PIP5K1C: variants seen among roughly 807,000 people sequenced by gnomAD.
PIP5K1C encodes phosphatidylinositol-4-phosphate 5-kinase type 1 gamma.
Under a neutral mutation model 80.1 loss-of-function variants are expected in PIP5K1C, and 45 were observed. The observed-to-expected ratio is 0.56, with a 90% CI of 0.44 to 0.72. The LOEUF (loss-of-function observed/expected upper bound fraction) is 0.72, where lower values mean the gene tolerates loss of function less well. Among genes scored for constraint, PIP5K1C ranks in the 30% least tolerant of loss-of-function variants. The probability of loss-of-function intolerance (pLI) is 0.00; values close to 1 mark genes in which losing one functional copy is unlikely to be tolerated. For synonymous variants in PIP5K1C, 498 were observed against 420.1 expected, an observed-to-expected ratio of 1.19 and a Z score of -2.27; for missense variants, 753 against 954.6, an observed-to-expected ratio of 0.79 and a Z score of 2.78.
At chr19:3,666,602 TGCACACAC>T (rs2035018552) in intron 2 of PIP5K1C, among the ~76,000 whole-genome samples, 2 of 147,076 alleles carry the variant, frequency 1.4e-5, no homozygotes, top group Admixed American at 6.7e-5. Context: ...GGCAAACACG[TGCACACAC>T]GCACGTAGGC....
Position 3,675,231 on chromosome 19 carries a change from A to C in PIP5K1C, c.95-7878T>G, listed in dbSNP as rs571037788. On this transcript the variant is annotated intron_variant, in intron 1 of 17. Coordinates refer to ENST00000335312, the MANE Select transcript of PIP5K1C (RefSeq NM_012398.3). ...TCAGTTGCAATAAGTAAGCAGTAAG[A>C]CACTTTCAAAGAGTGAATTTTGTGT... Among the ~76,000 whole-genome samples the C allele has an allele frequency of 8.5e-5, 13 of 152,336 alleles. No individual in the cohort carries two copies. The South Asian group carries it at 2.7e-3, about 32-fold the overall frequency.
At position 3,688,068 on chromosome 19, in the gene PIP5K1C, AC is replaced by A. The variant is rs1325487815; in HGVS notation, c.94+12228del. On this transcript the variant is annotated intron_variant, in intron 1 of 17. Coordinates refer to ENST00000335312, the MANE Select transcript of PIP5K1C (RefSeq NM_012398.3). This position sits in a 1 kb window ranked among gnomAD's most constrained non-coding sequence, Gnocchi z 5.3. ...GGATGGGTCAGGGTGCACAGAGCAC[AC>A]GCCAGCCCCTGGGGGAAGCCCGGCC... Among the ~76,000 whole-genome samples, 2 of 152,054 alleles carry A rather than the reference AC, an allele frequency of 1.3e-5. No individual in the cohort carries two copies. The highest frequency in any genetic ancestry group is 2.9e-5 in the Non-Finnish European group (2 of 67,980).
At chr19:3,655,667 G>C (rs1483196150) in intron 6 of PIP5K1C, among the ~76,000 whole-genome samples, 4 of 152,170 alleles carry the variant, frequency 2.6e-5, no homozygotes, top group African/African-American at 9.7e-5. Context: ...AGTTTGCTGA[G>C]CCTGATCTAA....
chr19:3,640,596 CAG>C (rs1028941745), intron 15 of PIP5K1C, among the ~76,000 whole-genome samples: 2 of 152,110 alleles, frequency 1.3e-5, no homozygotes, highest in African/African-American at 4.8e-5. Context: ...TTTAAAAAAA[CAG>C]ATATTTCTTT....
rs543570007 is a variant in PIP5K1C at position 3,692,051 on chromosome 19, A to G, written c.94+8246T>C. On this transcript the variant is annotated intron_variant, in intron 1 of 17. Transcript: ENST00000335312. This position sits in a 1 kb window ranked among gnomAD's most constrained non-coding sequence, Gnocchi z 5.2. ...CAAGCACCGCACGGGAAGGGTGCAC[A>G]GTGGGAGCTGCCCGCTCACGTCCCT... 2.0e-5 allele frequency among the ~76,000 whole-genome samples: 3 copies of G among 152,308 alleles called. No individual in the cohort carries two copies. The highest frequency in any genetic ancestry group is 2.1e-4 in the South Asian group (1 of 4,832).
intron 16 of PIP5K1C, 59 bp downstream of exon 16, chr19:3,638,825 C>T (rs2033820784): frequency 1.2e-5 from 20 of 1,606,088 alleles, no homozygotes; most frequent in South Asian, 2.2e-5. Flanking sequence ...CACGGTGGAG[C>T]GTGTGTGAGA....
chr19:3,644,618 G>C (rs576214549), intron 11 of PIP5K1C, among the ~76,000 whole-genome samples: 2 of 152,356 alleles, frequency 1.3e-5, no homozygotes, highest in East Asian at 3.9e-4. Context: ...CCCACTTTCA[G>C]ATGGACACTG....
chr19:3,698,204 G>C (rs1204538383), intron 1 of PIP5K1C, among the ~76,000 whole-genome samples: 1 of 152,236 alleles, frequency 6.6e-6, no homozygotes, highest in Non-Finnish European at 1.5e-5. Context: ...ATGGTGGAGA[G>C]GCCGGAAAGG....
chr19:3,644,803 GC>G (rs549006348), intron 11 of PIP5K1C, among the ~76,000 whole-genome samples: 2 of 152,216 alleles, frequency 1.3e-5, no homozygotes, highest in Non-Finnish European at 2.9e-5. Flanking sequence ...ACAGGGCCAG[GC>G]CTGTCCTCAG....
intron 2 of PIP5K1C, among the ~76,000 whole-genome samples, chr19:3,666,828 C>T (rs1177475325): frequency 6.6e-6 from 1 of 152,254 alleles, no homozygotes; most frequent in East Asian, 1.9e-4. Context: ...AACATGCACA[C>T]ATAGGCTGCA....
intron 7 of PIP5K1C, 67 bp from the exon 8 acceptor site, chr19:3,652,098 C>A (rs560345900): frequency 6.6e-7 from 1 of 1,506,590 alleles, no homozygotes; most frequent in Non-Finnish European, 9.2e-7. Flanking sequence ...GGCTCCCGGA[C>A]CCTATGGGGT....
rs1233559180 is a variant in PIP5K1C, at chr19:3,694,188, G to A, written c.94+6109C>T. ...GAACGCGCCACTGCACTCCAGCCCG[G>A]GCGAGACAGCGAGACTCCATCTCAA... On this transcript the variant is annotated intron_variant, in intron 1 of 17. Transcript: ENST00000335312. Among the ~76,000 whole-genome samples the A allele has an allele frequency of 3.3e-5, 5 of 150,500 alleles. No individual in the cohort carries two copies. In the East Asian group the frequency reaches 9.7e-4, roughly 29 times the overall value.
At chr19:3,691,446 A>G (rs1382234813) in intron 1 of PIP5K1C, among the ~76,000 whole-genome samples, 1 of 152,042 alleles carries the variant, frequency 6.6e-6, no homozygotes, top group East Asian at 1.9e-4. Flanking sequence ...GAGCCCACGC[A>G]CCTGATCAAA....
In PIP5K1C at chr19:3,644,109, G is replaced by T; in HGVS notation, c.1488C>A (p.Ser496Arg). 1 of 1,611,406 alleles carries T rather than the reference G, an allele frequency of 6.2e-7. No individual in the cohort carries two copies. Residue 496 changes from serine (S) to arginine (R), a missense_variant, in exon 12 of 18, where the codon AGC becomes AGA. Physicochemically the swap from Ser to Arg is moderately radical, Grantham distance 110. Around this residue, in one of 6 missense-constraint regions of PIP5K1C, gnomAD observed 315 missense variants for 294.5 expected, o/e 1.07. Coordinates refer to ENST00000335312, the MANE Select transcript of PIP5K1C (RefSeq NM_012398.3). ...CACCTTCGTCCTCCAGCGTGGGGTA[G>T]CTGCGGGCCCCCCGCAGGTCGTACT... ...EAQYDLRGAR[S>R]YPTLEDEGRP...
chr19:3,700,440 A>G lies in PIP5K1C; in HGVS notation c.-50T>C. 1 of 974,588 alleles carries G rather than the reference A, an allele frequency of 1.0e-6. No homozygotes were observed. Among genetic ancestry groups the G allele is most frequent in the Non-Finnish European group, 1.2e-6 (1 of 809,914 alleles). The allele number at this position is 974,588 out of a possible 1,614,324, so 60.4% of individuals were successfully genotyped here. On this transcript the variant is annotated 5_prime_UTR_variant, in exon 1 of 18. Transcript: ENST00000335312. ...GCGCCCGAGGGGGACCCGAGCTGCG[A>G]CCGCCGCCGCCGAACAACAAGCGCC...
intron 1 of PIP5K1C, among the ~76,000 whole-genome samples, chr19:3,671,392 C>T (rs984030896): frequency 4.6e-5 from 7 of 152,272 alleles, no homozygotes; most frequent in Admixed American, 3.3e-4. Flanking sequence ...CGGGGTCACC[C>T]GTGTTGGGTG....
chr19:3,659,800 C>T (rs537664457), intron 5 of PIP5K1C, among the ~76,000 whole-genome samples: 4 of 152,290 alleles, frequency 2.6e-5, no homozygotes, highest in African/African-American at 9.6e-5. Context: ...TCGGGCGCTT[C>T]CTACAGACTG....
At chr19:3,687,293 C>T (rs570131911) in intron 1 of PIP5K1C, among the ~76,000 whole-genome samples, 5 of 152,148 alleles carry the variant, frequency 3.3e-5, no homozygotes, top group Middle Eastern at 3.4e-3. Flanking sequence ...ACCTGGGAGG[C>T]GGAGGTTGCA....
intron 1 of PIP5K1C, among the ~76,000 whole-genome samples, chr19:3,681,222 A>G (rs982175592): frequency 6.9e-6 from 1 of 144,672 alleles, no homozygotes; most frequent in African/African-American, 2.6e-5. Flanking sequence ...TACCTGTACC[A>G]CCCTGTCCAC....
Sources: gnomAD v4.1 joint callset for allele counts (sites outside exome capture counted in the v4.1 genomes callset) on GRCh38, gnomAD v4.1.1 for gene constraint, gnomAD v4.1.1 regional missense constraint, Gnocchi (gnomAD v3.1) non-coding constraint, MANE v1.5 for transcripts, NCBI Gene and HGNC (gene_info 2026-07-23, HGNC 2026-07-21) for gene names.